The following METTL15 variants were observed in gnomAD, a reference collection of about 807,000 sequenced individuals.
The protein encoded by METTL15 is methyltransferase 15, mitochondrial 12S rRNA N4-cytidine.
Under a neutral mutation model 38.3 loss-of-function variants are expected in METTL15, and 34 were observed. The observed-to-expected ratio is 0.89, with a 90% CI of 0.68 to 1.18. METTL15 has a LOEUF of 1.18. Among genes scored for constraint, METTL15 ranks in the 50% most tolerant of loss-of-function variants. METTL15 has a pLI of 0.00. For missense variants in METTL15, 438 were observed against 498.4 expected (o/e 0.88, Z 1.15); for synonymous variants, 162 against 170.9 (o/e 0.95, Z 0.41).
rs769757525 is a variant in METTL15, at chr11:28,207,664, A to G, written c.271-3398A>G. The stretch of plus-strand genomic sequence containing the variant: ...GGATTCCCTCTTTTTCTATAGATTG[A>G]AATAGTTTCAGAAGGAATGGTACCA... On this transcript the variant is annotated intron_variant, in intron 3 of 6. Transcript: ENST00000407364. Among the ~76,000 whole-genome samples, 7 of 152,012 alleles carry G rather than the reference A, an allele frequency of 4.6e-5. No individual in the cohort carries two copies. The South Asian group carries it at 8.3e-4, about 18-fold the overall frequency.
At chr11:28,165,862 TCTG>T (rs1161884534) in intron 3 of METTL15, among the ~76,000 whole-genome samples, 3 of 152,150 alleles carry the variant, frequency 2.0e-5, no homozygotes, top group African/African-American at 7.2e-5. Context: ...CTTTTATTCT[TCTG>T]TATGAAGATA....
intron 5 of METTL15, among the ~76,000 whole-genome samples, chr11:28,362,839 T>G (rs1056197304): frequency 6.6e-6 from 1 of 152,224 alleles, no homozygotes; most frequent in African/African-American, 2.4e-5. Context: ...TGTGGGTGCA[T>G]GTGTCTTCAT....
chr11:28,270,594 T>A (rs1052408700), intron 4 of METTL15, among the ~76,000 whole-genome samples: 1 of 152,302 alleles, frequency 6.6e-6, no homozygotes, highest in East Asian at 1.9e-4. Flanking sequence ...AATAGACAGA[T>A]TATTTCAACA....
chr11:28,307,199 A>G (rs1250152099), intron 6 of METTL15, among the ~76,000 whole-genome samples: 1 of 151,912 alleles, frequency 6.6e-6, no homozygotes, highest in Non-Finnish European at 1.5e-5. Flanking sequence ...AGCATATAAC[A>G]CACAGTAAAC....
chr11:28,523,615 T>C (rs2133514378), intron 6 of METTL15, among the ~76,000 whole-genome samples: 1 of 152,352 alleles, frequency 6.6e-6, no homozygotes, highest in African/African-American at 2.4e-5. Flanking sequence ...AAACTAATTC[T>C]GAAGTTATGA....
intron 3 of METTL15, among the ~76,000 whole-genome samples, chr11:28,130,485 C>G (rs1852716527): frequency 6.6e-6 from 1 of 151,970 alleles, no homozygotes; most frequent in East Asian, 1.9e-4. Flanking sequence ...GCATGCTGTT[C>G]AAATTAGAGA....
intron 3 of METTL15, among the ~76,000 whole-genome samples, chr11:28,208,151 A>C (rs1303062629): frequency 6.6e-6 from 1 of 151,812 alleles, no homozygotes; most frequent in Non-Finnish European, 1.5e-5. Context: ...CCTTCTGCTA[A>C]CTTTTGAATG....
chr11:28,448,534 G>C (rs1387103308), intron 6 of METTL15, among the ~76,000 whole-genome samples: 2 of 152,152 alleles, frequency 1.3e-5, no homozygotes, highest in East Asian at 3.8e-4. Context: ...ACACCAAGCA[G>C]TTCTCCCAGC....
Position 28,316,334 on chromosome 11 carries a change from G to A in METTL15, c.779-14062G>A, listed in dbSNP as rs572500111. On this transcript the variant is annotated intron_variant, in intron 6 of 6. Coordinates refer to ENST00000407364, the MANE Select transcript of METTL15 (RefSeq NM_001113528.2). ...ACATTTGACTGCCCTACTGGATTTC[G>A]GATTTTCATGGGGCCTGTAGCCCGT... is the stretch of plus-strand genomic sequence containing the variant. Among the ~76,000 whole-genome samples the A allele has an allele frequency of 2.1e-3, 318 of 152,262 alleles. 1 individual carries two copies. Among genetic ancestry groups the A allele is most frequent in the Non-Finnish European group, 3.9e-3 (262 of 68,014 alleles).
intron 6 of METTL15, among the ~76,000 whole-genome samples, chr11:28,515,667 A>G (rs1341165868): frequency 6.6e-6 from 1 of 152,230 alleles, no homozygotes; most frequent in Non-Finnish European, 1.5e-5. Flanking sequence ...TATGGCAATA[A>G]GGCATAAAGT....
chr11:28,274,595 C>A (rs894760160), intron 4 of METTL15, among the ~76,000 whole-genome samples: 8 of 152,010 alleles, frequency 5.3e-5, no homozygotes, highest in Non-Finnish European at 1.2e-4. Flanking sequence ...AAAAAATGTT[C>A]ATTAATTTTA....
chr11:28,330,134 A>G lies in METTL15; in HGVS notation c.779-262A>G, dbSNP rs556356061. Among the ~76,000 whole-genome samples, 3 of 152,276 alleles carry G rather than the reference A, an allele frequency of 2.0e-5. No individual in the cohort carries two copies. In the South Asian group the frequency reaches 6.2e-4, roughly 32 times the overall value. On this transcript the variant is annotated intron_variant, in intron 6 of 6. Coordinates refer to ENST00000407364, the MANE Select transcript of METTL15 (RefSeq NM_001113528.2). Reference sequence around the variant, plus strand: ...ATTTTGTTATTATTTCTTTAAATATATGTCCACCATTTCTCTTTCTGTGCT... The same window carrying G: ...ATTTTGTTATTATTTCTTTAAATATGTGTCCACCATTTCTCTTTCTGTGCT...
intron 5 of METTL15, among the ~76,000 whole-genome samples, chr11:28,414,627 G>A (rs1850757769): frequency 6.6e-6 from 1 of 152,166 alleles, no homozygotes; most frequent in African/African-American, 2.4e-5. Context: ...GTTCTACAAT[G>A]TCAATTTTTT....
intron 4 of METTL15, among the ~76,000 whole-genome samples, chr11:28,253,090 G>A (rs1216558088): frequency 2.6e-5 from 4 of 152,052 alleles, no homozygotes; most frequent in Non-Finnish European, 2.9e-5. Context: ...CATGGCTTCT[G>A]AGGTCATCTC....
At chr11:28,429,990 G>C (rs1850901892) in intron 6 of METTL15, among the ~76,000 whole-genome samples, 1 of 130,628 alleles carries the variant, frequency 7.7e-6, no homozygotes, top group Non-Finnish European at 1.7e-5. Context: ...TGAGATGTGG[G>C]GAGCGCCTCT....
At chr11:28,369,905 G>A (rs2133374331) in intron 5 of METTL15, among the ~76,000 whole-genome samples, 2 of 152,186 alleles carry the variant, frequency 1.3e-5, no homozygotes, top group East Asian at 3.9e-4. Context: ...TACCATAATG[G>A]TAGTGCATAA....
chr11:28,187,692 A>G (rs1851550402), intron 3 of METTL15, among the ~76,000 whole-genome samples: 1 of 151,188 alleles, frequency 6.6e-6, no homozygotes, highest in African/African-American at 2.4e-5. Flanking sequence ...TTGCTCCTGT[A>G]TAGAACAAGG....
At chr11:28,125,056 A>G (rs1375986851) in intron 3 of METTL15, among the ~76,000 whole-genome samples, 1 of 152,122 alleles carries the variant, frequency 6.6e-6, no homozygotes, top group East Asian at 1.9e-4. Context: ...AGTTAAATAC[A>G]GACAGGTTTT....
At chr11:28,335,833 C>T (rs1172737525), downstream of METTL15, among the ~76,000 whole-genome samples, 1 of 152,108 alleles carries the variant, frequency 6.6e-6, no homozygotes, top group Non-Finnish European at 1.5e-5. Flanking sequence ...TGCCATGCTT[C>T]TTGTATGGCC....
Sources: allele counts gnomAD v4.1 joint callset (sites outside exome capture counted in the v4.1 genomes callset), GRCh38; gene constraint gnomAD v4.1.1; transcripts MANE v1.5; gene names NCBI Gene and HGNC (gene_info 2026-07-23, HGNC 2026-07-21).